BRINP3: variants seen among roughly 807,000 people sequenced by gnomAD.
BRINP3 encodes the protein BMP/retinoic acid-inducible neural-specific protein 3.
Under a neutral mutation model 71.0 loss-of-function variants are expected in BRINP3, and 19 were observed. The observed-to-expected ratio is 0.27, with a 90% CI of 0.19 to 0.39. BRINP3 has a LOEUF of 0.39. Among genes scored for constraint, BRINP3 ranks in the 10% least tolerant of loss-of-function variants. The probability of loss-of-function intolerance (pLI) is 1.00; values close to 1 mark genes in which losing one functional copy is unlikely to be tolerated. For missense variants in BRINP3, 959 were observed against 940.8 expected (o/e 1.02, Z -0.25); for synonymous variants, 380 against 337.7 (o/e 1.13, Z -1.37).
intron 5 of BRINP3, 23 bp downstream of exon 5, chr1:190,234,349 T>G (rs1375600440): frequency 1.3e-6 from 2 of 1,551,182 alleles, no homozygotes; most frequent in Non-Finnish European, 1.8e-6. Flanking sequence ...TTGTAGAGAA[T>G]TAATGAAATT....
chr1:190,362,385 A>G (rs1051967867), intron 2 of BRINP3: 3 of 152,146 alleles, frequency 2.0e-5, no homozygotes, highest in Non-Finnish European at 4.4e-5. Context: ...AAAAGAAAAC[A>G]TGTGTTTTGT....
intron 2 of BRINP3, among the ~76,000 whole-genome samples, chr1:190,438,113 T>C (rs1253197710): frequency 6.6e-6 from 1 of 151,250 alleles, no homozygotes; most frequent in Non-Finnish European, 1.5e-5. Context: ...GAATAATGAA[T>C]AAAGAGGAAA....
chr1:190,461,607 C>T lies in BRINP3; in HGVS notation c.-50-6667G>A, dbSNP rs144799946. 4.1e-4 allele frequency among the ~76,000 whole-genome samples: 63 copies of T among 152,176 alleles called. 1 individual carries two copies. The highest frequency in any genetic ancestry group is 1.5e-3 in the African/African-American group (63 of 41,528). On this transcript the variant is annotated intron_variant, in intron 1 of 7. Transcript: ENST00000367462. ...CACCAAAGTTTCTGAAATAAACCTG[C>T]ATAAATAAGTATTGTTAGAGTGAAT...
intron 2 of BRINP3, among the ~76,000 whole-genome samples, chr1:190,405,950 T>C (rs1418535376): frequency 6.6e-6 from 1 of 152,248 alleles, no homozygotes; most frequent in Admixed American, 6.5e-5. Flanking sequence ...CTTAGTAATA[T>C]TCAACAAATT....
intron 6 of BRINP3, among the ~76,000 whole-genome samples, chr1:190,191,903 T>A (rs1435448704): frequency 6.6e-6 from 1 of 152,118 alleles, no homozygotes; most frequent in Non-Finnish European, 1.5e-5. Context: ...TGTTACTGCA[T>A]TAAGGGAATA....
At chr1:190,279,931 GTTTA>G (rs1400721774) in intron 3 of BRINP3, among the ~76,000 whole-genome samples, 2 of 151,746 alleles carry the variant, frequency 1.3e-5, no homozygotes, top group African/African-American at 4.8e-5. Flanking sequence ...AGTTTTACTT[GTTTA>G]TTCATTTAAC....
chr1:190,303,966 T>C (rs1288674609), intron 2 of BRINP3, among the ~76,000 whole-genome samples: 2 of 151,660 alleles, frequency 1.3e-5, no homozygotes, highest in Admixed American at 1.3e-4. Context: ...TACTTCAAAT[T>C]GCCATTCATA....
intron 2 of BRINP3, among the ~76,000 whole-genome samples, chr1:190,290,912 T>C (rs1466292530): frequency 6.6e-6 from 1 of 151,246 alleles, no homozygotes; most frequent in African/African-American, 2.4e-5. Context: ...TGTGTGCACG[T>C]GTGTGTGTGT....
chr1:190,393,510 C>T (rs1318306120), intron 2 of BRINP3, among the ~76,000 whole-genome samples: 1 of 151,480 alleles, frequency 6.6e-6, no homozygotes, highest in Non-Finnish European at 1.5e-5. Flanking sequence ...GAATCTATTT[C>T]TGTGATACAT....
chr1:190,318,325 A>T lies in BRINP3; in HGVS notation c.237-36575T>A, dbSNP rs116673252. Among the ~76,000 whole-genome samples, 1,339 of 152,140 alleles carry T rather than the reference A, an allele frequency of 8.8e-3. 15 individuals are homozygous for T. The highest frequency in any genetic ancestry group is 0.03 in the African/African-American group (1,229 of 41,514). On this transcript the variant is annotated intron_variant, in intron 2 of 7. Coordinates refer to ENST00000367462, the MANE Select transcript of BRINP3 (RefSeq NM_199051.3). Reference sequence around the variant, plus strand: ...CATTGGGGGCATGTAATGATTCTTGATTTGATTCTTTTATTTCTATAAAGA... The same window carrying T: ...CATTGGGGGCATGTAATGATTCTTGTTTTGATTCTTTTATTTCTATAAAGA...
intron 2 of BRINP3, among the ~76,000 whole-genome samples, chr1:190,453,542 A>T (rs976281430): frequency 1.3e-5 from 2 of 152,030 alleles, no homozygotes; most frequent in Non-Finnish European, 2.9e-5. Flanking sequence ...TTTAAAAAAT[A>T]GAGTAAATCT....
At chr1:190,144,060 T>C (rs1655682735) in intron 7 of BRINP3, among the ~76,000 whole-genome samples, 1 of 152,178 alleles carries the variant, frequency 6.6e-6, no homozygotes, top group African/African-American at 2.4e-5. Flanking sequence ...CCCTATTTGT[T>C]GTACAAGATT....
chr1:190,468,456 T>C (rs533391259), intron 1 of BRINP3, among the ~76,000 whole-genome samples: 2 of 151,448 alleles, frequency 1.3e-5, no homozygotes, highest in South Asian at 4.1e-4. Context: ...TTGTTTCGTC[T>C]TTCAAATTGA....
At chr1:190,400,482 C>T (rs1671850931) in intron 2 of BRINP3, among the ~76,000 whole-genome samples, 1 of 152,120 alleles carries the variant, frequency 6.6e-6, no homozygotes, top group South Asian at 2.1e-4. Flanking sequence ...AAGTTTAATT[C>T]TAGGAAAATT....
At chr1:190,172,230 T>C (rs1369125644) in intron 6 of BRINP3, among the ~76,000 whole-genome samples, 1 of 150,698 alleles carries the variant, frequency 6.6e-6, no homozygotes, top group African/African-American at 2.4e-5. Context: ...GGGTGACAAA[T>C]AAATGCCTAA....
chr1:190,140,743 G>T (rs544719060), intron 7 of BRINP3, among the ~76,000 whole-genome samples: 19 of 152,206 alleles, frequency 1.2e-4, no homozygotes, highest in Admixed American at 8.5e-4. Context: ...CATAATTCAA[G>T]GATACCAAAA....
intron 2 of BRINP3, among the ~76,000 whole-genome samples, chr1:190,373,066 C>A (rs895135739): frequency 2.6e-5 from 4 of 151,972 alleles, no homozygotes; most frequent in African/African-American, 9.7e-5. Context: ...TGATATCCTC[C>A]CTGGCCACTG....
chr1:190,451,777 C>A (rs1675624192), intron 2 of BRINP3, among the ~76,000 whole-genome samples: 1 of 152,138 alleles, frequency 6.6e-6, no homozygotes, highest in African/African-American at 2.4e-5. Context: ...TTTAAAAAAT[C>A]TTAGCCCTAG....
intron 4 of BRINP3, among the ~76,000 whole-genome samples, chr1:190,260,067 C>T (rs1661044410): frequency 8.2e-6 from 1 of 121,280 alleles, no homozygotes; most frequent in Non-Finnish European, 1.9e-5. Context: ...AACTTAAGAA[C>T]CACAAAAAAA....
Sources: gnomAD v4.1 joint callset for allele counts (sites outside exome capture counted in the v4.1 genomes callset) on GRCh38, gnomAD v4.1.1 for gene constraint, MANE v1.5 for transcripts, NCBI Gene and HGNC (gene_info 2026-07-23, HGNC 2026-07-21) for gene names.